TNFAIP8: variants seen among roughly 807,000 people sequenced by gnomAD.
TNFAIP8 encodes TNF alpha induced protein 8.
In TNFAIP8, 7 loss-of-function variants were observed where a neutral mutation model predicts 13.3. The ratio of observed to expected loss-of-function variants is 0.52; its 90% confidence interval spans 0.30 to 0.99. TNFAIP8 has a LOEUF of 0.99. TNFAIP8 is among the 50% of genes least tolerant of loss of function. TNFAIP8 has a pLI of 0.07. For synonymous variants in TNFAIP8, 94 were observed against 87.6 expected (o/e 1.07, Z -0.41); for missense variants, 258 against 236.9 (o/e 1.09, Z -0.58).
intron 1 of TNFAIP8, among the ~76,000 whole-genome samples, chr5:119,277,735 A>C (rs540233824): frequency 7.7e-4 from 117 of 152,284 alleles, no homozygotes; most frequent in Middle Eastern, 3.4e-3. Context: ...AAAGAACAGA[A>C]ATTTATTTTC....
chr5:119,375,053 TTTATC>T (rs1303493145), intron 1 of TNFAIP8, among the ~76,000 whole-genome samples: 1 of 152,194 alleles, frequency 6.6e-6, no homozygotes, highest in Non-Finnish European at 1.5e-5. Context: ...TGATATGAAT[TTTATC>T]TTAATTAGAA....
chr5:119,376,856 C>T (rs1448412083), intron 1 of TNFAIP8, among the ~76,000 whole-genome samples: 9 of 152,116 alleles, frequency 5.9e-5, no homozygotes, highest in Non-Finnish European at 1.3e-4. Context: ...GACAGGTCCC[C>T]CTTGATTCCT....
chr5:119,343,769 T>G (rs1750812430), intron 1 of TNFAIP8, among the ~76,000 whole-genome samples: 1 of 152,182 alleles, frequency 6.6e-6, no homozygotes, highest in African/African-American at 2.4e-5. Flanking sequence ...AGTAGGCTTT[T>G]AAGAGGAGTT....
chr5:119,324,693 CAT>C (rs1430555540), intron 1 of TNFAIP8, among the ~76,000 whole-genome samples: 14 of 151,722 alleles, frequency 9.2e-5, no homozygotes, highest in Admixed American at 9.2e-4. Flanking sequence ...AGCAGTATTA[CAT>C]GTTTGTGTAG....
At chr5:119,373,185 A>G (rs6868057) in intron 1 of TNFAIP8, among the ~76,000 whole-genome samples, 1 of 152,070 alleles carries the variant, frequency 6.6e-6, no homozygotes, top group Non-Finnish European at 1.5e-5. Flanking sequence ...CCTGCTGGCC[A>G]CACTGACTTT....
At chr5:119,355,909 A>C, upstream of TNFAIP8, 17 of 1,318,400 alleles carry the variant, frequency 1.3e-5, no homozygotes, top group Non-Finnish European at 1.7e-5. Context: ...TCACTCTTGC[A>C]GAACTTTCCC....
At chr5:119,307,947 A>G (rs995937729) in intron 1 of TNFAIP8, among the ~76,000 whole-genome samples, 1 of 152,186 alleles carries the variant, frequency 6.6e-6, no homozygotes. Context: ...TGTGATTTAA[A>G]AGCCAGCCTT....
chr5:119,288,829 T>A (rs1748895857), intron 1 of TNFAIP8, among the ~76,000 whole-genome samples: 1 of 152,206 alleles, frequency 6.6e-6, no homozygotes, highest in Non-Finnish European at 1.5e-5. Context: ...GTGGATGTAG[T>A]CTCCAAAGAG....
At chr5:119,304,759 C>T (rs1484064432) in intron 1 of TNFAIP8, among the ~76,000 whole-genome samples, 1 of 152,172 alleles carries the variant, frequency 6.6e-6, no homozygotes, top group Non-Finnish European at 1.5e-5. Flanking sequence ...CAGTTATCTT[C>T]TATATCAACT....
intron 1 of TNFAIP8, among the ~76,000 whole-genome samples, chr5:119,315,121 T>C (rs568764620): frequency 6.6e-6 from 1 of 151,998 alleles, no homozygotes; most frequent in Admixed American, 6.5e-5. Flanking sequence ...CTCTCTTTGT[T>C]GCCCAGGCTG....
intron 1 of TNFAIP8, among the ~76,000 whole-genome samples, chr5:119,296,596 T>C (rs192995981): frequency 0.011 from 1,743 of 152,316 alleles, 28 homozygotes; most frequent in African/African-American, 0.039. Context: ...TCTTTTTTGG[T>C]TGTGCCTGTG....
intron 1 of TNFAIP8, among the ~76,000 whole-genome samples, chr5:119,345,262 A>G (rs1217304423): frequency 6.6e-6 from 1 of 152,256 alleles, no homozygotes; most frequent in African/African-American, 2.4e-5. Flanking sequence ...TATAAAGTAC[A>G]CAGTAATTTA....
chr5:119,282,101 A>G (rs1748649613), intron 1 of TNFAIP8, among the ~76,000 whole-genome samples: 1 of 152,228 alleles, frequency 6.6e-6, no homozygotes, highest in African/African-American at 2.4e-5. Context: ...CATTCAGTCA[A>G]CAGAGTATGA....
chr5:119,338,210 A>ACACC lies in TNFAIP8; in HGVS notation c.2-54605_2-54604insACCC, dbSNP rs1366073474. 2.5e-3 allele frequency among the ~76,000 whole-genome samples: 333 copies of ACACC among 130,640 alleles called. 1 individual carries two copies. The highest frequency in any genetic ancestry group is 0.011 in the African/African-American group (275 of 24,270). 85.7% of individuals were successfully genotyped at this position (130,640 alleles called of 152,430 possible). ...CACACACACACACACACACACACAC[A>ACACC]CCTTCTCAGCACCTAGTCACACCCT... On this transcript the variant is annotated intron_variant, in intron 1 of 1. Coordinates refer to the TNFAIP8 transcript ENST00000274456.
At chr5:119,334,820 G>A (rs1247104574) in intron 1 of TNFAIP8, among the ~76,000 whole-genome samples, 1 of 152,052 alleles carries the variant, frequency 6.6e-6, no homozygotes, top group Non-Finnish European at 1.5e-5. Context: ...TGCATATATA[G>A]AGTTGAGATC....
chr5:119,289,992 T>C (rs1748931536), intron 1 of TNFAIP8, among the ~76,000 whole-genome samples: 2 of 152,218 alleles, frequency 1.3e-5, no homozygotes, highest in South Asian at 4.1e-4. Context: ...TTAAAAATTC[T>C]CTCATCATTC....
chr5:119,286,722 G>A (rs987932659), intron 1 of TNFAIP8, among the ~76,000 whole-genome samples: 2 of 152,160 alleles, frequency 1.3e-5, no homozygotes, highest in African/African-American at 4.8e-5. Context: ...AATGTTTGTG[G>A]TGGCTCTGCC....
At chr5:119,282,001 CGAAA>C (rs1409491293) in intron 1 of TNFAIP8, among the ~76,000 whole-genome samples, 4 of 152,084 alleles carry the variant, frequency 2.6e-5, no homozygotes, top group African/African-American at 9.7e-5. Flanking sequence ...TATTGTTGTC[CGAAA>C]GAGTCTAATG....
intron 1 of TNFAIP8, among the ~76,000 whole-genome samples, chr5:119,343,051 T>C (rs544990582): frequency 5.3e-4 from 80 of 152,352 alleles, no homozygotes; most frequent in African/African-American, 1.7e-3. Context: ...GCTGCTGGTG[T>C]CTTGCTTGCC....
Sources: gnomAD v4.1 joint callset for allele counts (sites outside exome capture counted in the v4.1 genomes callset) on GRCh38, gnomAD v4.1.1 for gene constraint, MANE v1.5 for transcripts, NCBI Gene and HGNC (gene_info 2026-07-23, HGNC 2026-07-21) for gene names.